PRAG1: variants seen among roughly 807,000 people sequenced by gnomAD.
PRAG1 encodes the protein inactive tyrosine-protein kinase PRAG1.
A neutral mutation model predicts 95.6 loss-of-function variants in PRAG1; 110 were observed. The ratio of observed to expected loss-of-function variants is 1.15; its 90% CI spans 0.99 to 1.35. PRAG1 has a LOEUF of 1.35. Ranked by LOEUF, PRAG1 falls within the 40% of genes most tolerant of loss-of-function variation. The pLI is 0.00. For synonymous variants in PRAG1, 1,052 were observed against 819.4 expected (o/e 1.28, Z -4.85); for missense variants, 2,554 against 1,864.7 (o/e 1.37, Z -6.81).
intron 3 of PRAG1, among the ~76,000 whole-genome samples, chr8:8,371,339 C>A (rs1028105234): frequency 6.6e-6 from 1 of 151,728 alleles, no homozygotes; most frequent in East Asian, 2.0e-4. Context: ...CGGCTCCCTG[C>A]AAGCTCCGCC....
intron 3 of PRAG1, among the ~76,000 whole-genome samples, chr8:8,373,873 C>T (rs1800294229): frequency 6.6e-6 from 1 of 152,178 alleles, no homozygotes; most frequent in Non-Finnish European, 1.5e-5. Flanking sequence ...TCATAACAAA[C>T]TGGGCCGAAA....
intron 4 of PRAG1, among the ~76,000 whole-genome samples, chr8:8,333,590 T>C (rs902333295): frequency 6.6e-6 from 1 of 152,218 alleles, no homozygotes; most frequent in African/African-American, 2.4e-5. Flanking sequence ...TTTTCCTTAT[T>C]ATAGAGTCCT....
chr8:8,378,586 G>A (rs1003714007), intron 2 of PRAG1, among the ~76,000 whole-genome samples: 5 of 152,152 alleles, frequency 3.3e-5, no homozygotes, highest in African/African-American at 1.2e-4. Context: ...GGAGCCAGAT[G>A]CCGTGGCTCA....
At chr8:8,385,452 A>G (rs542864530) in intron 1 of PRAG1, among the ~76,000 whole-genome samples, 1 of 152,320 alleles carries the variant, frequency 6.6e-6, no homozygotes, top group African/African-American at 2.4e-5. Flanking sequence ...AGAGAAAAAT[A>G]ACTGCGGAAT....
intron 3 of PRAG1, among the ~76,000 whole-genome samples, chr8:8,360,378 C>T (rs1254300374): frequency 2.0e-5 from 3 of 152,162 alleles, no homozygotes; most frequent in African/African-American, 7.2e-5. Flanking sequence ...AAATACTGAC[C>T]TTGCCTTCAT....
chr8:8,379,213 G>C (rs1293804131), intron 2 of PRAG1, among the ~76,000 whole-genome samples: 2 of 152,220 alleles, frequency 1.3e-5, no homozygotes, highest in African/African-American at 4.8e-5. Context: ...AACTATGCCA[G>C]AGGTCATCTT....
At chr8:8,347,063 T>C (rs1020922656) in intron 3 of PRAG1, among the ~76,000 whole-genome samples, 1 of 152,228 alleles carries the variant, frequency 6.6e-6, no homozygotes, top group Non-Finnish European at 1.5e-5. Context: ...TTAAACAGTC[T>C]ATACATGTTT....
At chr8:8,329,455 T>C (rs973482188) in intron 4 of PRAG1, among the ~76,000 whole-genome samples, 3 of 152,122 alleles carry the variant, frequency 2.0e-5, no homozygotes, top group South Asian at 2.1e-4. Flanking sequence ...GTGCCCCTCA[T>C]TGAGTTCTCC....
In PRAG1 at chr8:8,318,680, T is replaced by C. The variant is rs1798365187; in HGVS notation, c.3695A>G (p.Gln1232Arg). ...QKPGGTPNLQ[Q>R]KKSQARLAPE... ...GGCCAGCCGGGCCTGGCTCTTCTTCTGCTGCAGGTTTGGGGTGCCGCCCGG... is the reference window on the plus strand; with the variant it reads ...GGCCAGCCGGGCCTGGCTCTTCTTCCGCTGCAGGTTTGGGGTGCCGCCCGG... Residue 1232 changes from glutamine to arginine, a missense_variant, in exon 6 of 6, where the codon CAG becomes CGG. Gln to Arg is a conservative substitution (Grantham distance 43, BLOSUM62 1). Coordinates refer to ENST00000615670, the MANE Select transcript of PRAG1 (RefSeq NM_001080826.3). This position sits in a 1 kb window ranked among gnomAD's most constrained non-coding sequence, Gnocchi z 4.2. 4.3e-6 allele frequency: 7 copies of C among 1,611,222 alleles called. No homozygotes were observed. Among genetic ancestry groups the C allele is most frequent in the Non-Finnish European group, 5.9e-6 (7 of 1,179,734 alleles).
At chr8:8,369,082 A>G (rs976381873) in intron 3 of PRAG1, among the ~76,000 whole-genome samples, 76 of 152,096 alleles carry the variant, frequency 5.0e-4, no homozygotes, top group Non-Finnish European at 7.3e-5. Flanking sequence ...AGCCTCTTTA[A>G]CTCAAGGTGG....
intron 4 of PRAG1, among the ~76,000 whole-genome samples, chr8:8,336,043 C>G (rs1053450601): frequency 2.2e-4 from 33 of 152,300 alleles, no homozygotes; most frequent in African/African-American, 7.9e-4. Context: ...GGTTTGCCAG[C>G]TATAAAAATA....
rs574539228 is a variant in PRAG1, at chr8:8,378,608, C to T, written c.331-530G>A. On this transcript the variant is annotated intron_variant, in intron 2 of 5. Coordinates refer to ENST00000615670, the MANE Select transcript of PRAG1 (RefSeq NM_001080826.3). ...GATGCCGTGGCTCATACCTGTAATC[C>T]CAGCACTATGGTGGGCCGAGGAGGG... 3.3e-3 allele frequency among the ~76,000 whole-genome samples: 505 copies of T among 152,192 alleles called. 4 individuals carry two copies. Among genetic ancestry groups the T allele is most frequent in the African/African-American group, 0.011 (475 of 41,508 alleles).
At chr8:8,368,097 C>T (rs970093352) in intron 3 of PRAG1, among the ~76,000 whole-genome samples, 2 of 152,184 alleles carry the variant, frequency 1.3e-5, no homozygotes, top group African/African-American at 4.8e-5. Flanking sequence ...GTTATCATAG[C>T]ACAAGTATAA....
chr8:8,339,467 A>G lies in PRAG1; in HGVS notation c.2320+11T>C. On this transcript the variant is annotated intron_variant, in intron 4 of 5. Coordinates refer to ENST00000615670, the MANE Select transcript of PRAG1 (RefSeq NM_001080826.3). ...GAATCTAAGCCTCTCCGTCAATGTC[A>G]AGTTTGTTACCTCCATCGCTGCAGG... is the stretch of plus-strand genomic sequence containing the variant. 1 of 1,613,042 alleles carries G rather than the reference A, an allele frequency of 6.2e-7. No homozygotes were observed. Among genetic ancestry groups the G allele is most frequent in the Non-Finnish European group, 8.5e-7 (1 of 1,179,358 alleles).
At position 8,321,893 on chromosome 8, in the gene PRAG1, G is replaced by C. The variant is rs906832433; in HGVS notation, c.3073-2591C>G. Among the ~76,000 whole-genome samples the C allele has an allele frequency of 8.5e-5, 13 of 152,288 alleles. 2 individuals are homozygous for C. In the East Asian group the frequency reaches 1.9e-3, roughly 23 times the overall value. On this transcript the variant is annotated intron_variant, in intron 5 of 5. Coordinates refer to ENST00000615670, the MANE Select transcript of PRAG1 (RefSeq NM_001080826.3). ...ACCGTTTTTCCTAGGGGAAATACAAGGTAAGTTTCCTGGGAACCTCTGGTC... is the reference window on the plus strand; with the variant it reads ...ACCGTTTTTCCTAGGGGAAATACAACGTAAGTTTCCTGGGAACCTCTGGTC...
chr8:8,376,693 G>C lies in PRAG1; in HGVS notation c.1716C>G (p.Asp572Glu). Residue 572 changes from aspartate (D) to glutamate (E), a missense_variant, in exon 3 of 6, where the codon GAC becomes GAG. Coordinates refer to ENST00000615670, the MANE Select transcript of PRAG1 (RefSeq NM_001080826.3). Reference protein sequence around the residue: ...AGGPPVSPLADLSDGSSGGSS... With the variant: ...AGGPPVSPLAELSDGSSGGSS... ...TGCCGCCAGAGCTCCCATCACTAAGGTCAGCCAGCGGTGACACTGGGGGCC... is the reference window on the plus strand; with the variant it reads ...TGCCGCCAGAGCTCCCATCACTAAGCTCAGCCAGCGGTGACACTGGGGGCC... 6.2e-7 allele frequency: 1 copy of C among 1,611,686 alleles called. No individual in the cohort carries two copies. Among genetic ancestry groups the C allele is most frequent in the Non-Finnish European group, 8.5e-7 (1 of 1,179,960 alleles).
chr8:8,342,817 A>G (rs1278136364), intron 3 of PRAG1, among the ~76,000 whole-genome samples: 1 of 152,244 alleles, frequency 6.6e-6, no homozygotes, highest in African/African-American at 2.4e-5. Context: ...CAGAAAAAAT[A>G]ACGAGAAAAC....
intron 3 of PRAG1, among the ~76,000 whole-genome samples, chr8:8,375,204 GT>G (rs746109244): frequency 1.5e-4 from 14 of 94,374 alleles, no homozygotes; most frequent in Non-Finnish European, 1.8e-4. Context: ...TTTTTTCTTT[GT>G]TTTTTTTTTT....
intron 3 of PRAG1, among the ~76,000 whole-genome samples, chr8:8,356,300 A>G (rs1799679979): frequency 6.6e-6 from 1 of 152,190 alleles, no homozygotes; most frequent in Admixed American, 6.5e-5. Flanking sequence ...AAAAGAGAAC[A>G]CTAGTGCATT....
Sources: gnomAD v4.1 joint callset for allele counts (sites outside exome capture counted in the v4.1 genomes callset) on GRCh38, gnomAD v4.1.1 for gene constraint, Gnocchi (gnomAD v3.1) non-coding constraint, MANE v1.5 for transcripts, NCBI Gene and HGNC (gene_info 2026-07-23, HGNC 2026-07-21) for gene names.